PRKAR1B: variants seen among roughly 807,000 people sequenced by gnomAD.
PRKAR1B encodes the protein protein kinase cAMP-dependent type I regulatory subunit beta.
A neutral mutation model predicts 46.5 loss-of-function variants in PRKAR1B; 22 were observed. The observed-to-expected ratio is 0.47, with a 90% CI of 0.34 to 0.68. PRKAR1B has a LOEUF of 0.68. PRKAR1B is among the 30% of genes least tolerant of loss of function. The pLI is 0.01. For missense variants in PRKAR1B, 445 were observed against 535.6 expected, an observed-to-expected ratio of 0.83 and a Z score of 1.67; for synonymous variants, 259 against 217.7, an observed-to-expected ratio of 1.19 and a Z score of -1.67.
chr7:695,672 T>TA (rs898791630), intron 2 of PRKAR1B, among the ~76,000 whole-genome samples: 1 of 147,484 alleles, frequency 6.8e-6, no homozygotes, highest in African/African-American at 2.5e-5. Context: ...TTGTTTTTTG[T>TA]TTTTTTTTTG....
At chr7:727,464 T>G, upstream of PRKAR1B, 2 of 258,194 alleles carry the variant, frequency 7.7e-6, no homozygotes, top group Middle Eastern at 1.1e-3. Flanking sequence ...ATGCGCCGCT[T>G]CCCCCACCCG....
intron 9 of PRKAR1B, among the ~76,000 whole-genome samples, chr7:557,074 G>C (rs934731259): frequency 8.5e-5 from 13 of 152,214 alleles, no homozygotes; most frequent in Non-Finnish European, 1.5e-4. Context: ...GGCAGCTTCC[G>C]TTTCCAACCA....
intron 4 of PRKAR1B, among the ~76,000 whole-genome samples, chr7:638,901 AC>A (rs67529567): frequency 0.16 from 24,377 of 151,806 alleles, 2,205 homozygotes; most frequent in South Asian, 0.29. Flanking sequence ...ACATGGTGAA[AC>A]CCCCGTCTCT....
chr7:693,876 G>C (rs1201055591), intron 2 of PRKAR1B, among the ~76,000 whole-genome samples: 1 of 152,106 alleles, frequency 6.6e-6, no homozygotes, highest in African/African-American at 2.4e-5. Context: ...AGCGCACAAG[G>C]GTTCCATGTC....
At chr7:598,815 G>A (rs938586799) in intron 6 of PRKAR1B, among the ~76,000 whole-genome samples, 1 of 152,228 alleles carries the variant, frequency 6.6e-6, no homozygotes, top group Non-Finnish European at 1.5e-5. Context: ...AAGGAGGTGA[G>A]TGAGCCTCTT....
chr7:699,757 A>G (rs780163394), intron 2 of PRKAR1B, among the ~76,000 whole-genome samples: 11 of 152,172 alleles, frequency 7.2e-5, no homozygotes, highest in Admixed American at 3.3e-4. Flanking sequence ...CATGGGCTGC[A>G]GTGGAGAGGC....
intron 2 of PRKAR1B, among the ~76,000 whole-genome samples, chr7:685,371 T>A (rs1453314206): frequency 3.2e-5 from 1 of 31,044 alleles, no homozygotes; most frequent in Non-Finnish European, 5.2e-5. Flanking sequence ...TATACACATA[T>A]ATATATATAC....
intron 1 of PRKAR1B, chr7:726,843 C>G: frequency 3.8e-6 from 5 of 1,325,012 alleles, no homozygotes; most frequent in Non-Finnish European, 4.8e-6. Context: ...TGGAGGCCGA[C>G]AGCAAGCCGG....
intron 4 of PRKAR1B, among the ~76,000 whole-genome samples, chr7:616,264 C>T (rs112028451): frequency 0.089 from 13,557 of 152,300 alleles, 1,698 homozygotes; most frequent in African/African-American, 0.28. Context: ...TCACTCCGGA[C>T]AGACTCGCAG....
At chr7:694,438 G>T in intron 2 of PRKAR1B, among the ~76,000 whole-genome samples, 1 of 151,940 alleles carries the variant, frequency 6.6e-6, no homozygotes, top group Non-Finnish European at 1.5e-5. Flanking sequence ...ATCCCACAAA[G>T]CCAACCCCAA....
chr7:648,016 C>A (rs984882061), intron 4 of PRKAR1B, among the ~76,000 whole-genome samples: 1 of 151,286 alleles, frequency 6.6e-6, no homozygotes, highest in African/African-American at 2.4e-5. Flanking sequence ...TGTGGTGGTG[C>A]GCACCTGTGG....
rs999005412 is a variant in PRKAR1B, at chr7:714,448, G to A, written c.-22-2921C>T. Among the ~76,000 whole-genome samples the A allele has an allele frequency of 4.6e-5, 7 of 152,192 alleles. No individual in the cohort carries two copies. The highest frequency in any genetic ancestry group is 1.7e-4 in the African/African-American group (7 of 41,440). Reference sequence around the variant, plus strand: ...AGGTTTGGGGGCTGGCAGCATGCACGTGGCCAGCCAGACATGCGGCCCCTG... The same window carrying A: ...AGGTTTGGGGGCTGGCAGCATGCACATGGCCAGCCAGACATGCGGCCCCTG... On this transcript the variant is annotated intron_variant, in intron 1 of 10. Transcript: ENST00000537384. This position sits in a 1 kb window ranked among gnomAD's most constrained non-coding sequence, Gnocchi z 4.3.
At chr7:623,785 T>C (rs967377481) in intron 4 of PRKAR1B, among the ~76,000 whole-genome samples, 1 of 152,230 alleles carries the variant, frequency 6.6e-6, no homozygotes, top group Non-Finnish European at 1.5e-5. Context: ...ATGCCATGCT[T>C]TAACACACGT....
intron 2 of PRKAR1B, among the ~76,000 whole-genome samples, chr7:701,305 AAAG>A (rs1395230614): frequency 2.2e-5 from 3 of 139,190 alleles, no homozygotes; most frequent in Non-Finnish European, 4.5e-5. Flanking sequence ...AAAGAAAAAG[AAAG>A]AAAGAAAGAA....
chr7:611,660 G>A (rs1036351469), intron 4 of PRKAR1B, among the ~76,000 whole-genome samples: 5 of 152,234 alleles, frequency 3.3e-5, no homozygotes, highest in African/African-American at 9.6e-5. Flanking sequence ...TGCCCAGCCC[G>A]GGTCTGACGC....
chr7:609,722 C>G (rs748841341), intron 4 of PRKAR1B, among the ~76,000 whole-genome samples: 28 of 152,138 alleles, frequency 1.8e-4, no homozygotes, highest in Non-Finnish European at 3.5e-4. Context: ...TTCTTTGCTC[C>G]TTTTACAGCT....
chr7:725,985 C>T (rs1325293456), intron 1 of PRKAR1B, among the ~76,000 whole-genome samples: 1 of 152,112 alleles, frequency 6.6e-6, no homozygotes, highest in Admixed American at 6.6e-5. Flanking sequence ...TGGCCCCCTA[C>T]CTGCCTAATT....
At position 579,286 on chromosome 7, in the gene PRKAR1B, C is replaced by T. The variant is rs150032469; in HGVS notation, c.861G>A (p.Glu287=). ...EDGEKIVVQG[E]PGDDFYIITE... ...TGATGATGTAAAAGTCGTCCCCAGGCTCTCCCTGGACCACAATTTTCTCTC... is the reference window on the plus strand; with the variant it reads ...TGATGATGTAAAAGTCGTCCCCAGGTTCTCCCTGGACCACAATTTTCTCTC... The change falls in exon 9 of 11, where the codon GAG becomes GAA. Residue 287 remains glutamate, a synonymous_variant. Coordinates refer to ENST00000537384, the MANE Select transcript of PRKAR1B (RefSeq NM_001164760.2). 1.2e-6 allele frequency: 2 copies of T among 1,614,058 alleles called. No individual in the cohort carries two copies. The highest frequency in any genetic ancestry group is 2.7e-5 in the African/African-American group (2 of 74,946).
chr7:597,643 C>A (rs2128457479), intron 6 of PRKAR1B, among the ~76,000 whole-genome samples: 1 of 152,310 alleles, frequency 6.6e-6, no homozygotes, highest in East Asian at 1.9e-4. Flanking sequence ...GGCGAGGGGA[C>A]CTCAGAGAAT....
Sources: gnomAD v4.1 joint callset for allele counts (sites outside exome capture counted in the v4.1 genomes callset) on GRCh38, gnomAD v4.1.1 for gene constraint, Gnocchi (gnomAD v3.1) non-coding constraint, MANE v1.5 for transcripts, NCBI Gene and HGNC (gene_info 2026-07-23, HGNC 2026-07-21) for gene names.